Variants in C8orf34 observed in about 807,000 individuals in gnomAD.
The protein encoded by C8orf34 is uncharacterized protein C8orf34.
C8orf34 carries 65 observed loss-of-function variants against 68.3 expected under a neutral mutation model. That is an observed-to-expected ratio of 0.95 (90% CI 0.78 to 1.17). The LOEUF is 1.17. Ranked by LOEUF, C8orf34 falls within the 50% of genes most tolerant of loss-of-function variation. The pLI, the probability that C8orf34 is intolerant of heterozygous loss-of-function variation, is 0.00. For synonymous variants in C8orf34, 244 were observed against 241.2 expected (o/e 1.01, Z -0.11); for missense variants, 664 against 655.4 (o/e 1.01, Z -0.14).
At position 68,803,199 on chromosome 8, in the gene C8orf34, A is replaced by G. The variant is rs183589488; in HGVS notation, c.1550-12687A>G. On this transcript the variant is annotated intron_variant, in intron 12 of 13. Transcript: ENST00000518698. Reference sequence around the variant, plus strand: ...ACATAACAGAAGAATTATAAGAAAGAAAAACTTTTTGCCAAATAAGCCAAT... The same window carrying G: ...ACATAACAGAAGAATTATAAGAAAGGAAAACTTTTTGCCAAATAAGCCAAT... Among the ~76,000 whole-genome samples the G allele has an allele frequency of 6.2e-4, 95 of 152,246 alleles. No individual in the cohort carries two copies. The East Asian group carries it at 0.016, about 25-fold the overall frequency.
At chr8:68,669,364 A>C (rs1187162098) in intron 8 of C8orf34, among the ~76,000 whole-genome samples, 1 of 152,198 alleles carries the variant, frequency 6.6e-6, no homozygotes, top group Non-Finnish European at 1.5e-5. Context: ...AGTCTTAAAA[A>C]AATGATCCTT....
intron 1 of C8orf34, among the ~76,000 whole-genome samples, chr8:68,417,024 G>A (rs1414722327): frequency 6.6e-6 from 1 of 152,068 alleles, no homozygotes; most frequent in Non-Finnish European, 1.5e-5. Flanking sequence ...GTATTATATG[G>A]GTTGAGCTTC....
intron 1 of C8orf34, among the ~76,000 whole-genome samples, chr8:68,435,049 C>CAA (rs550862710): frequency 5.3e-5 from 4 of 75,728 alleles, no homozygotes; most frequent in Non-Finnish European, 1.1e-4. Context: ...GACTCCATCT[C>CAA]AAAAAAAAAA....
intron 8 of C8orf34, among the ~76,000 whole-genome samples, chr8:68,700,727 C>T (rs1003950520): frequency 6.6e-6 from 1 of 152,092 alleles, no homozygotes; most frequent in African/African-American, 2.4e-5. Flanking sequence ...AGGCAGAGCA[C>T]TGCCTTTGAA....
In C8orf34 at chr8:68,788,377, C is replaced by A. The variant is rs538155482; in HGVS notation, c.1549+841C>A. 3.7e-4 allele frequency among the ~76,000 whole-genome samples: 56 copies of A among 152,272 alleles called. 1 individual carries two copies. Among genetic ancestry groups the A allele is most frequent in the African/African-American group, 1.3e-3 (55 of 41,546 alleles). Reference sequence around the variant, plus strand: ...AAAAGCCATTTTAAAATGTTCTTATCCCACTTCCCCACTTCCATACTGTGG... The same window carrying A: ...AAAAGCCATTTTAAAATGTTCTTATACCACTTCCCCACTTCCATACTGTGG... On this transcript the variant is annotated intron_variant, in intron 12 of 13. Coordinates refer to ENST00000518698, the MANE Select transcript of C8orf34 (RefSeq NM_052958.4).
At chr8:68,744,534 C>A (rs1392040506) in intron 10 of C8orf34, among the ~76,000 whole-genome samples, 1 of 151,514 alleles carries the variant, frequency 6.6e-6, no homozygotes, top group Non-Finnish European at 1.5e-5. Context: ...CAGAGAAGTG[C>A]TTAAAGGAGC....
At chr8:68,748,321 C>A in intron 10 of C8orf34, among the ~76,000 whole-genome samples, 1 of 146,636 alleles carries the variant, frequency 6.8e-6, no homozygotes, top group Non-Finnish European at 1.5e-5. Context: ...AGGACATAGG[C>A]ACGGGCAAGG....
chr8:68,786,299 C>T (rs1398489339), intron 11 of C8orf34, among the ~76,000 whole-genome samples: 2 of 152,124 alleles, frequency 1.3e-5, no homozygotes, highest in Admixed American at 1.3e-4. Context: ...ACCCTTCGTC[C>T]TCTCCTTTCT....
At chr8:68,473,459 G>A (rs551573845) in intron 4 of C8orf34, among the ~76,000 whole-genome samples, 2 of 152,254 alleles carry the variant, frequency 1.3e-5, no homozygotes, top group East Asian at 3.9e-4. Context: ...GAAAGGAAAA[G>A]GGAAGACAGA....
At chr8:68,357,988 C>T (rs1042446517) in intron 1 of C8orf34, among the ~76,000 whole-genome samples, 1 of 152,128 alleles carries the variant, frequency 6.6e-6, no homozygotes, top group African/African-American at 2.4e-5. Flanking sequence ...CCCACATTGT[C>T]TTCACATTGT....
At chr8:68,468,959 T>C (rs563212038) in intron 4 of C8orf34, 139 bp downstream of exon 4, 9 of 908,696 alleles carry the variant, frequency 9.9e-6, no homozygotes, top group Admixed American at 3.0e-5. Context: ...GGGCATGAGA[T>C]TGGAAAGGAA....
intron 1 of C8orf34, among the ~76,000 whole-genome samples, chr8:68,423,565 A>G (rs1347774351): frequency 1.3e-5 from 2 of 152,114 alleles, no homozygotes; most frequent in African/African-American, 4.8e-5. Flanking sequence ...GAAGCTCCAA[A>G]CATTCCCACA....
intron 7 of C8orf34, among the ~76,000 whole-genome samples, chr8:68,538,235 T>C (rs1184601552): frequency 6.6e-6 from 1 of 152,156 alleles, no homozygotes; most frequent in Non-Finnish European, 1.5e-5. Context: ...CTGAGTACCT[T>C]GTAAAGGCAT....
intron 7 of C8orf34, among the ~76,000 whole-genome samples, chr8:68,617,596 A>G (rs1029857323): frequency 1.3e-5 from 2 of 152,174 alleles, no homozygotes; most frequent in Non-Finnish European, 2.9e-5. Flanking sequence ...TTTCTTTAAG[A>G]ATGTTGAATA....
chr8:68,690,622 G>C (rs918137821), intron 8 of C8orf34, among the ~76,000 whole-genome samples: 4 of 151,802 alleles, frequency 2.6e-5, no homozygotes, highest in Admixed American at 1.3e-4. Context: ...TCATGTATGA[G>C]AGCTCTGCCC....
chr8:68,705,957 AG>A (rs1402100341), intron 8 of C8orf34, among the ~76,000 whole-genome samples: 1 of 152,226 alleles, frequency 6.6e-6, no homozygotes, highest in Non-Finnish European at 1.5e-5. Context: ...AATACAGATT[AG>A]GGTGAAAATA....
chr8:68,741,151 T>A (rs1252893258), intron 10 of C8orf34, among the ~76,000 whole-genome samples: 1 of 151,942 alleles, frequency 6.6e-6, no homozygotes, highest in East Asian at 1.9e-4. Flanking sequence ...GATGACGAAA[T>A]AACGTGTTCG....
chr8:68,803,377 C>T (rs1379970174), intron 12 of C8orf34, among the ~76,000 whole-genome samples: 4 of 151,882 alleles, frequency 2.6e-5, no homozygotes, highest in Non-Finnish European at 5.9e-5. Context: ...AAATTAGCCA[C>T]ACTAGCATAA....
chr8:68,771,843 G>A (rs1310977997), intron 10 of C8orf34, among the ~76,000 whole-genome samples: 2 of 151,942 alleles, frequency 1.3e-5, no homozygotes, highest in Non-Finnish European at 2.9e-5. Context: ...TTGATCTTAC[G>A]TGTGGCAAAT....
Sources: gnomAD v4.1 joint callset for allele counts (sites outside exome capture counted in the v4.1 genomes callset) on GRCh38, gnomAD v4.1.1 for gene constraint, MANE v1.5 for transcripts, NCBI Gene and HGNC (gene_info 2026-07-23, HGNC 2026-07-21) for gene names.